The following UBR3 variants were observed in gnomAD, a reference collection of about 807,000 sequenced individuals.
UBR3 encodes the protein ubiquitin protein ligase E3 component n-recognin 3, also known as E3 ubiquitin-protein ligase UBR3.
Under a neutral mutation model 243.2 loss-of-function variants are expected in UBR3, and 85 were observed. The ratio of observed to expected loss-of-function variants is 0.35; its 90% CI spans 0.29 to 0.42. The LOEUF (loss-of-function observed/expected upper bound fraction) is 0.42. Among genes scored for constraint, UBR3 ranks in the 10% least tolerant of loss-of-function variants. The pLI, the probability that UBR3 is intolerant of heterozygous loss-of-function variation, is 1.00. For missense variants in UBR3, 1,686 were observed against 2,300.8 expected (o/e 0.73, Z 5.47); for synonymous variants, 748 against 799.8 (o/e 0.94, Z 1.09).
chr2:169,980,379 C>T (rs933204556), intron 24 of UBR3, among the ~76,000 whole-genome samples: 18 of 152,148 alleles, frequency 1.2e-4, no homozygotes, highest in African/African-American at 3.9e-4. Flanking sequence ...TGTACAGACA[C>T]GTAGTCCCTT....
chr2:169,864,110 A>G (rs541393479), intron 1 of UBR3, among the ~76,000 whole-genome samples: 7 of 151,876 alleles, frequency 4.6e-5, no homozygotes, highest in Admixed American at 3.9e-4. Context: ...CAGTGGGATG[A>G]TCTTGGCTCA....
intron 32 of UBR3, among the ~76,000 whole-genome samples, chr2:170,052,858 CAG>C (rs2091251792): frequency 6.6e-6 from 1 of 152,180 alleles, no homozygotes; most frequent in Admixed American, 6.5e-5. Context: ...CACATACACA[CAG>C]ACACATGTAA....
At chr2:170,008,739 A>T in intron 28 of UBR3, 65 bp from the exon 29 acceptor site, 1 of 797,368 alleles carries the variant, frequency 1.3e-6, no homozygotes, top group Non-Finnish European at 1.9e-6. Context: ...TAAACATTCT[A>T]GTTTCAGACC....
Position 170,004,281 on chromosome 2 carries a change from G to T in UBR3, c.4030-2709G>T, listed in dbSNP as rs576639024. Among the ~76,000 whole-genome samples the T allele has an allele frequency of 2.1e-4, 32 of 152,204 alleles. No homozygotes were observed. In the South Asian group the frequency reaches 6.6e-3, roughly 32 times the overall value. ...TCTTCTGGAGCATGAGGGGGAAGAA[G>T]GAATCAACGTGATAGGTGATGATGA... On this transcript the variant is annotated intron_variant, in intron 27 of 38. Transcript: ENST00000272793.
intron 13 of UBR3, among the ~76,000 whole-genome samples, 166 bp from the exon 14 acceptor site, chr2:169,925,453 A>T (rs1034021524): frequency 6.6e-6 from 1 of 151,948 alleles, no homozygotes; most frequent in Non-Finnish European, 1.5e-5. Context: ...AATTATTGTT[A>T]AAAAAAATGT....
intron 27 of UBR3, among the ~76,000 whole-genome samples, chr2:170,006,278 A>G (rs1016731756): frequency 2.0e-5 from 3 of 152,220 alleles, no homozygotes; most frequent in African/African-American, 7.2e-5. Flanking sequence ...GGAAAAATGT[A>G]TCTTAACTCT....
Position 170,021,637 on chromosome 2 carries a change from T to A in UBR3, c.4453+6271T>A, listed in dbSNP as rs1022088805. 2.6e-5 allele frequency among the ~76,000 whole-genome samples: 4 copies of A among 152,190 alleles called. No homozygotes were observed. In the East Asian group the frequency reaches 7.7e-4, roughly 29 times the overall value. The stretch of plus-strand genomic sequence containing the variant: ...ACATTCAGTCCATTGCAGTTTTTTT[T>A]AAGGGACTTGACAGACTTTCTTTTG... On this transcript the variant is annotated intron_variant, in intron 30 of 38. Coordinates refer to ENST00000272793, the MANE Select transcript of UBR3 (RefSeq NM_172070.4).
At chr2:169,884,504 A>G (rs911834129) in intron 5 of UBR3, among the ~76,000 whole-genome samples, 4 of 152,190 alleles carry the variant, frequency 2.6e-5, no homozygotes, top group African/African-American at 4.8e-5. Flanking sequence ...TTTTATTAGT[A>G]TTCATTGTAG....
intron 1 of UBR3, among the ~76,000 whole-genome samples, chr2:169,852,883 AC>A (rs773598494): frequency 1.7e-5 from 1 of 59,732 alleles, no homozygotes; most frequent in Admixed American, 2.0e-4. Context: ...AAAAAACAAA[AC>A]CAAACAAATT....
At position 170,080,599 on chromosome 2, in the gene UBR3, G is replaced by A. The variant is rs541443374; in HGVS notation, c.5464G>A (p.Val1822Ile). 17 of 1,613,962 alleles carry A rather than the reference G, an allele frequency of 1.1e-5. No homozygotes were observed. The South Asian group carries it at 1.9e-4, about 18-fold the overall frequency. ...TATTTTCCTTTTGATCAATGCATCG[G>A]TAATTATCATCATTCGAGGTCACCG... is the stretch of plus-strand genomic sequence containing the variant. ...TGIFLLINAS[V>I]IIIIRGHRFC... The change falls in exon 38 of 39, where the codon GTA becomes ATA. Residue 1822 changes from valine to isoleucine, a missense_variant. Transcript: ENST00000272793.
intron 1 of UBR3, among the ~76,000 whole-genome samples, chr2:169,832,569 GAAAA>G (rs568527694): frequency 6.8e-6 from 1 of 147,114 alleles, no homozygotes; most frequent in Non-Finnish European, 1.5e-5. Context: ...TCTGTCTCAG[GAAAA>G]AAAACAAAAA....
chr2:169,933,866 G>A (rs1012418674), intron 19 of UBR3, among the ~76,000 whole-genome samples: 2 of 142,966 alleles, frequency 1.4e-5, no homozygotes, highest in Non-Finnish European at 3.1e-5. Context: ...AAACCAAAAC[G>A]ATCTTTAAAT....
intron 17 of UBR3, 86 bp downstream of exon 17, chr2:169,927,491 T>A: frequency 9.2e-7 from 1 of 1,092,294 alleles, no homozygotes; most frequent in Non-Finnish European, 1.3e-6. Flanking sequence ...ATTTTTTGAT[T>A]AATTTTTTTT....
At chr2:169,917,846 G>A (rs2085523006) in intron 11 of UBR3, among the ~76,000 whole-genome samples, 1 of 152,110 alleles carries the variant, frequency 6.6e-6, no homozygotes, top group Non-Finnish European at 1.5e-5. Flanking sequence ...GGGACTACAG[G>A]CGTGTGCCAC....
chr2:169,949,946 T>C lies in UBR3; in HGVS notation c.3426T>C (p.Ala1142=). Reference sequence around the variant, plus strand: ...CCGTGGAAAGAATTTTACTAAAAGCTGCATCGCAAAGTAGAATGAACAAAC... The same window carrying C: ...CCGTGGAAAGAATTTTACTAAAAGCCGCATCGCAAAGTAGAATGAACAAAC... The part of the protein sequence containing the change: ...ITAVERILLK[A]ASQSRMNKRI... Residue 1142 remains alanine, a synonymous_variant, in exon 23 of 39, where the codon GCT becomes GCC. Transcript: ENST00000272793. 6.2e-7 allele frequency: 1 copy of C among 1,613,732 alleles called. No homozygotes were observed. The highest frequency in any genetic ancestry group is 2.2e-5 in the East Asian group (1 of 44,860).
intron 35 of UBR3, 127 bp downstream of exon 35, chr2:170,061,570 C>T: frequency 8.9e-7 from 1 of 1,129,642 alleles, no homozygotes; most frequent in Non-Finnish European, 1.3e-6. Flanking sequence ...CAGGTTCAAG[C>T]AATCCTCCTC....
At chr2:170,005,084 C>T (rs543462237) in intron 27 of UBR3, among the ~76,000 whole-genome samples, 20 of 150,090 alleles carry the variant, frequency 1.3e-4, no homozygotes, top group African/African-American at 2.4e-4. Flanking sequence ...ATTAGCCGGG[C>T]GCTGTGGCGG....
chr2:169,830,648 T>C (rs2081902663), intron 1 of UBR3, among the ~76,000 whole-genome samples: 1 of 117,504 alleles, frequency 8.5e-6, no homozygotes, highest in African/African-American at 2.7e-5. Context: ...ATTCTATGTT[T>C]TATCTTTTTT....
intron 24 of UBR3, 141 bp downstream of exon 24, chr2:169,958,667 G>A (rs1177965408): frequency 1.5e-6 from 1 of 648,206 alleles, no homozygotes; most frequent in African/African-American, 1.9e-5. Flanking sequence ...ATATAGTGAT[G>A]GAAGATCAGA....
Sources: gnomAD v4.1 joint callset for allele counts (sites outside exome capture counted in the v4.1 genomes callset) on GRCh38, gnomAD v4.1.1 for gene constraint, MANE v1.5 for transcripts, NCBI Gene and HGNC (gene_info 2026-07-23, HGNC 2026-07-21) for gene names.